CUX1: variants seen among roughly 807,000 people sequenced by gnomAD.
CUX1 encodes protein CASP.
Under a neutral mutation model 158.8 loss-of-function variants are expected in CUX1, and 31 were observed. That is an observed-to-expected ratio of 0.20 (90% CI 0.15 to 0.26). The LOEUF (loss-of-function observed/expected upper bound fraction) is 0.26, where lower values mean the gene tolerates loss of function less well. Among genes scored for constraint, CUX1 ranks in the 10% least tolerant of loss-of-function variants. CUX1 has a pLI of 1.00. For missense variants in CUX1, 1,589 were observed against 2,014.6 expected (o/e 0.79, Z 4.04); for synonymous variants, 879 against 862.1 (o/e 1.02, Z -0.34).
intron 2 of CUX1, among the ~76,000 whole-genome samples, chr7:102,015,113 G>C (rs1211623280): frequency 6.6e-6 from 1 of 152,158 alleles, no homozygotes; most frequent in Non-Finnish European, 1.5e-5. Context: ...TCTTTTTCAA[G>C]CTGCTTAATT....
At chr7:102,137,296 G>C (rs1303137537) in intron 8 of CUX1, among the ~76,000 whole-genome samples, 1 of 152,178 alleles carries the variant, frequency 6.6e-6, no homozygotes, top group African/African-American at 2.4e-5. Context: ...TAGTGGGGTA[G>C]TTTTCTATTA....
At chr7:101,881,564 C>A (rs946480577) in intron 1 of CUX1, among the ~76,000 whole-genome samples, 2 of 152,214 alleles carry the variant, frequency 1.3e-5, no homozygotes, top group African/African-American at 4.8e-5. Context: ...GGGAAGAAAT[C>A]TGTTCCCGTC....
intron 15 of CUX1, 115 bp downstream of exon 15, chr7:102,197,420 A>G: frequency 1.6e-6 from 2 of 1,276,624 alleles, no homozygotes; most frequent in Non-Finnish European, 2.2e-6. Flanking sequence ...GCATCACATC[A>G]GGTAAAGTTC....
chr7:101,929,618 T>A (rs767829940), intron 2 of CUX1, among the ~76,000 whole-genome samples: 1 of 152,216 alleles, frequency 6.6e-6, no homozygotes, highest in Non-Finnish European at 1.5e-5. Context: ...TGAGCTGTTA[T>A]TAATATTTAT....
intron 1 of CUX1, among the ~76,000 whole-genome samples, chr7:101,845,854 C>T (rs1289778290): frequency 6.6e-6 from 1 of 152,014 alleles, no homozygotes; most frequent in South Asian, 2.1e-4. Flanking sequence ...ACTAAAAATA[C>T]AAAATTAGCC....
chr7:102,067,590 G>A (rs888291517), intron 3 of CUX1, among the ~76,000 whole-genome samples: 1 of 151,404 alleles, frequency 6.6e-6, no homozygotes, highest in Non-Finnish European at 1.5e-5. Context: ...ATAAAGACCT[G>A]ATAGTCTGAC....
At chr7:101,883,112 G>A (rs1231471234) in intron 1 of CUX1, among the ~76,000 whole-genome samples, 1 of 152,174 alleles carries the variant, frequency 6.6e-6, no homozygotes, top group Non-Finnish European at 1.5e-5. Flanking sequence ...TTTCAAGTCA[G>A]CCTCCAAAGG....
chr7:101,895,853 G>A (rs912425270), intron 1 of CUX1, among the ~76,000 whole-genome samples: 5 of 149,820 alleles, frequency 3.3e-5, no homozygotes, highest in Non-Finnish European at 7.4e-5. Context: ...CGGATTATTG[G>A]TGATTTGGGG....
rs186528977 is a variant in CUX1, at chr7:101,834,654, T to C, written c.30+16985T>C. 1.5e-4 allele frequency among the ~76,000 whole-genome samples: 23 copies of C among 152,330 alleles called. 1 individual carries two copies. The East Asian group carries it at 2.7e-3, about 18-fold the overall frequency. ...GCAGAGAGCAGTTCTTTTGATACAA[T>C]ACCTCCGTCCCGTAACTTTTTTTTA... On this transcript the variant is annotated intron_variant, in intron 1 of 23. Coordinates refer to ENST00000292535, the MANE Select transcript of CUX1 (RefSeq NM_181552.4).
rs782332538 is a variant in CUX1, at chr7:102,196,808, C to T, written c.1397C>T (p.Ala466Val). ...LSQDFFSSSLASPSLPLASTG... is the reference protein window; with the variant it reads ...LSQDFFSSSLVSPSLPLASTG... ...CAAGACTTTTTCAGCTCATCCCTGG[C>T]AAGCCCCAGCCTACCCCTGGCTTCT... The change falls in exon 15 of 24, where the codon GCA becomes GTA. Residue 466 changes from alanine to valine, a missense_variant. This residue lies in a region of CUX1 where 515 missense variants were observed against 574.4 expected (regional missense o/e 0.90). Coordinates refer to ENST00000292535, the MANE Select transcript of CUX1 (RefSeq NM_181552.4). 1 of 1,614,202 alleles carries T rather than the reference C, an allele frequency of 6.2e-7. No individual in the cohort carries two copies. The highest frequency in any genetic ancestry group is 8.5e-7 in the Non-Finnish European group (1 of 1,180,042).
intron 2 of CUX1, among the ~76,000 whole-genome samples, chr7:102,012,296 T>C (rs1290643193): frequency 6.6e-6 from 1 of 152,142 alleles, no homozygotes; most frequent in Non-Finnish European, 1.5e-5. Context: ...GAAGCAATTC[T>C]CATGTCTCAG....
At chr7:102,046,083 GATAT>G (rs1822752183) in intron 3 of CUX1, among the ~76,000 whole-genome samples, 1 of 152,238 alleles carries the variant, frequency 6.6e-6, no homozygotes, top group South Asian at 2.1e-4. Context: ...TTAGGAAAAT[GATAT>G]TGTGGCAAAG....
In CUX1 at chr7:102,196,781, G is replaced by T; in HGVS notation, c.1370G>T (p.Ser457Ile). 6.2e-7 allele frequency: 1 copy of T among 1,614,132 alleles called. No homozygotes were observed. The highest frequency in any genetic ancestry group is 8.5e-7 in the Non-Finnish European group (1 of 1,180,042). ...GTHQFSPAGL[S>I]QDFFSSSLAS... Reference sequence around the variant, plus strand: ...CACCAGTTCTCACCAGCGGGGTTAAGTCAAGACTTTTTCAGCTCATCCCTG... The same window carrying T: ...CACCAGTTCTCACCAGCGGGGTTAATTCAAGACTTTTTCAGCTCATCCCTG... Residue 457 changes from serine (S) to isoleucine (I), a missense_variant, in exon 15 of 24, where the codon AGT becomes ATT. Ser to Ile is a moderately radical substitution (Grantham distance 142, BLOSUM62 -2). This residue lies in a region of CUX1 where 515 missense variants were observed against 574.4 expected (regional missense o/e 0.90). Coordinates refer to ENST00000292535, the MANE Select transcript of CUX1 (RefSeq NM_181552.4).
At chr7:102,043,323 C>G (rs1474088422) in intron 3 of CUX1, among the ~76,000 whole-genome samples, 2 of 139,068 alleles carry the variant, frequency 1.4e-5, no homozygotes, top group African/African-American at 5.3e-5. Flanking sequence ...CATTAGCTCA[C>G]TGTGTGTGTG....
chr7:101,853,668 C>G (rs1184461865), intron 1 of CUX1, among the ~76,000 whole-genome samples: 4 of 150,726 alleles, frequency 2.7e-5, no homozygotes, highest in Non-Finnish European at 5.9e-5. Flanking sequence ...AGTAATTAAC[C>G]CAGGTGTCTA....
rs1554384039 is a variant in CUX1, at chr7:101,831,932, T to TG, written c.30+14270dup. Among the ~76,000 whole-genome samples, 284 of 151,656 alleles carry TG rather than the reference T, an allele frequency of 1.9e-3. 1 individual carries two copies. The highest frequency in any genetic ancestry group is 6.1e-3 in the African/African-American group (254 of 41,336). Reference sequence around the variant, plus strand: ...AACTTTTTTGTATTTTTTGTAGAGATGGGGGGGTCTCACTGTGTTGCCCAG... The same window carrying TG: ...AACTTTTTTGTATTTTTTGTAGAGATGGGGGGGGTCTCACTGTGTTGCCCAG... On this transcript the variant is annotated intron_variant, in intron 1 of 23. Coordinates refer to ENST00000292535, the MANE Select transcript of CUX1 (RefSeq NM_181552.4).
chr7:101,945,652 G>A (rs1478210537), intron 2 of CUX1, among the ~76,000 whole-genome samples: 2 of 152,214 alleles, frequency 1.3e-5, no homozygotes, highest in Non-Finnish European at 2.9e-5. Context: ...TGTGGGGACT[G>A]TGGGGAAGAC....
chr7:102,026,234 G>A (rs62465592), intron 2 of CUX1, among the ~76,000 whole-genome samples: 149 of 152,190 alleles, frequency 9.8e-4, no homozygotes, highest in Non-Finnish European at 1.9e-3. Flanking sequence ...TGCAATGATG[G>A]AAAAATTCTG....
At chr7:101,884,394 G>A (rs1170591977) in intron 1 of CUX1, among the ~76,000 whole-genome samples, 2 of 152,140 alleles carry the variant, frequency 1.3e-5, no homozygotes, top group African/African-American at 2.4e-5. Flanking sequence ...ATTAGATAAC[G>A]TGTTTTTCTG....
Sources: gnomAD v4.1 joint callset for allele counts (sites outside exome capture counted in the v4.1 genomes callset) on GRCh38, gnomAD v4.1.1 for gene constraint, gnomAD v4.1.1 regional missense constraint, MANE v1.5 for transcripts, NCBI Gene and HGNC (gene_info 2026-07-23, HGNC 2026-07-21) for gene names.